The following C2orf42 variants were observed in gnomAD, a reference collection of about 807,000 sequenced individuals.
C2orf42 encodes the protein chromosome 2 open reading frame 42.
In C2orf42, 44 loss-of-function variants were observed where a neutral mutation model predicts 58.9. The ratio of observed to expected loss-of-function variants is 0.75; its 90% confidence interval spans 0.59 to 0.96. The LOEUF is 0.96. Ranked by LOEUF, C2orf42 falls within the 40% of genes least tolerant of loss-of-function variation. The pLI is 0.00. For synonymous variants in C2orf42, 239 were observed against 265.4 expected, an observed-to-expected ratio of 0.90 and a Z score of 0.97; for missense variants, 630 against 699.2, an observed-to-expected ratio of 0.90 and a Z score of 1.12.
chr2:70,160,203 G>C (rs1261376614), intron 9 of C2orf42, among the ~76,000 whole-genome samples: 1 of 148,836 alleles, frequency 6.7e-6, no homozygotes, highest in Admixed American at 6.8e-5. Context: ...GCAGTGGTGA[G>C]ATCTCGGCTC....
At chr2:70,163,488 A>G (rs940541122) in intron 8 of C2orf42, among the ~76,000 whole-genome samples, 1 of 151,420 alleles carries the variant, frequency 6.6e-6, no homozygotes, top group South Asian at 2.1e-4. Context: ...CTCGTGATCC[A>G]CCCGCCTCGG....
chr2:70,178,562 C>G (rs889303074), intron 4 of C2orf42, among the ~76,000 whole-genome samples: 2 of 151,920 alleles, frequency 1.3e-5, no homozygotes, highest in Non-Finnish European at 2.9e-5. Flanking sequence ...AGCCGAAGAT[C>G]GCATCAGTGT....
intron 1 of C2orf42, among the ~76,000 whole-genome samples, chr2:70,188,233 G>T (rs1675084323): frequency 6.6e-6 from 1 of 151,894 alleles, no homozygotes; most frequent in Non-Finnish European, 1.5e-5. Flanking sequence ...TGTCACCCAG[G>T]CTGGAGTGCA....
At chr2:70,151,943 A>C (rs931576835) in intron 9 of C2orf42, among the ~76,000 whole-genome samples, 2 of 151,810 alleles carry the variant, frequency 1.3e-5, no homozygotes, top group Non-Finnish European at 2.9e-5. Context: ...TGTCCAGCTA[A>C]TTTTTGTATT....
intron 5 of C2orf42, among the ~76,000 whole-genome samples, chr2:70,173,588 C>A (rs1294383573): frequency 6.6e-6 from 1 of 151,558 alleles, no homozygotes; most frequent in East Asian, 1.9e-4. Context: ...GTCATAAGTT[C>A]TTAATGAATT....
At chr2:70,157,439 C>G (rs540481501) in intron 9 of C2orf42, among the ~76,000 whole-genome samples, 1 of 145,658 alleles carries the variant, frequency 6.9e-6, no homozygotes, top group Non-Finnish European at 1.5e-5. Flanking sequence ...TGGGCGACAG[C>G]GAGACTCCCG....
intron 1 of C2orf42, chr2:70,190,430 A>C: frequency 6.6e-6 from 1 of 152,248 alleles, no homozygotes; most frequent in Non-Finnish European, 1.5e-5. Flanking sequence ...AATCCTTTCT[A>C]TGCATGTACT....
chr2:70,187,010 G>A (rs182235131), intron 1 of C2orf42, among the ~76,000 whole-genome samples: 1 of 152,116 alleles, frequency 6.6e-6, no homozygotes, highest in Non-Finnish European at 1.5e-5. Flanking sequence ...GCTAGATGAC[G>A]AGTTAGTGGG....
chr2:70,175,619 T>C, intron 5 of C2orf42, 54 bp downstream of exon 5: 4 of 1,027,730 alleles, frequency 3.9e-6, no homozygotes, highest in Non-Finnish European at 6.2e-6. Context: ...TGCTTCTGGC[T>C]TCTTTAGGAT....
chr2:70,169,886 G>A (rs1457079712), intron 5 of C2orf42, among the ~76,000 whole-genome samples: 2 of 151,986 alleles, frequency 1.3e-5, no homozygotes, highest in Admixed American at 6.6e-5. Flanking sequence ...AGCCTCCTGA[G>A]TAGCTGGGAT....
intron 8 of C2orf42, among the ~76,000 whole-genome samples, chr2:70,164,032 G>T (rs552382303): frequency 6.6e-6 from 1 of 150,704 alleles, no homozygotes; most frequent in East Asian, 2.0e-4. Flanking sequence ...AATTAATAGG[G>T]TGGGCCTGGT....
chr2:70,179,613 C>A lies in C2orf42; in HGVS notation c.853G>T (p.Gly285Cys). The A allele has an allele frequency of 1.3e-6, 2 of 1,524,156 alleles. No individual in the cohort carries two copies. Among genetic ancestry groups the A allele is most frequent in the South Asian group, 2.3e-5 (2 of 88,768 alleles). The allele number at this position is 1,524,156 out of a possible 1,614,324, so 94.4% of individuals were successfully genotyped here. ...GATACTGTTGATTCTGAATGGCAAC[C>A]TAACTGGGGTACAATAATCTCTTTA... ...GLKEIIVPQL[G>C]CHSESTVSAC... Residue 285 changes from glycine to cysteine, a missense_variant, in exon 4 of 10, where the codon GGT (glycine) becomes TGT (cysteine). By Grantham distance (159) the Gly-to-Cys change is radical. Transcript: ENST00000264434.
Position 70,165,571 on chromosome 2 carries a change from T to A in C2orf42, c.1209A>T (p.Ile403=), listed in dbSNP as rs1673346081. 1 of 1,612,552 alleles carries A rather than the reference T, an allele frequency of 6.2e-7. No individual in the cohort carries two copies. Among genetic ancestry groups the A allele is most frequent in the Admixed American group, 1.7e-5 (1 of 59,972 alleles). Residue 403 remains isoleucine (I), a synonymous_variant, in exon 7 of 10, where the codon ATA becomes ATT. Coordinates refer to ENST00000264434, the MANE Select transcript of C2orf42 (RefSeq NM_017880.3). Reference sequence around the variant, plus strand: ...GCCGTTTTTTTGCACTTCCTATAGATATTCTTTGTTGCAGGGCATCAAAAA... The same window carrying A: ...GCCGTTTTTTTGCACTTCCTATAGAAATTCTTTGTTGCAGGGCATCAAAAA... ...QSFFDALQQR[I]SIGSAKKRLP...
rs1672207054 is a variant in C2orf42, at chr2:70,150,021, T to G, written c.*335A>C. ...ACACTGTTGGTGTATGGCTGAGTGC[T>G]GCAGATTTCTCAGAGAATTAGCAAA... is the stretch of plus-strand genomic sequence containing the variant. On this transcript the variant is annotated 3_prime_UTR_variant, in exon 10 of 10. Coordinates refer to ENST00000264434, the MANE Select transcript of C2orf42 (RefSeq NM_017880.3). 2.9e-6 allele frequency: 1 copy of G among 345,184 alleles called. No homozygotes were observed. The highest frequency in any genetic ancestry group is 5.5e-6 in the Non-Finnish European group (1 of 180,970). 21.4% of individuals were successfully genotyped at this position (345,184 alleles called of 1,614,324 possible).
At chr2:70,156,703 TA>T (rs1280022851) in intron 9 of C2orf42, among the ~76,000 whole-genome samples, 1 of 151,140 alleles carries the variant, frequency 6.6e-6, no homozygotes, top group Non-Finnish European at 1.5e-5. Flanking sequence ...CTACTAAAAA[TA>T]AAAAGAAATT....
chr2:70,155,869 T>C (rs1330238217), intron 9 of C2orf42, among the ~76,000 whole-genome samples: 1 of 147,346 alleles, frequency 6.8e-6, no homozygotes, highest in Non-Finnish European at 1.5e-5. Context: ...GAATATGGTA[T>C]CACTGGCCGA....
chr2:70,164,354 G>T (rs1286554323), intron 8 of C2orf42, among the ~76,000 whole-genome samples: 4 of 151,350 alleles, frequency 2.6e-5, no homozygotes, highest in South Asian at 2.1e-4. Flanking sequence ...TTTTTAAAGG[G>T]TCATTTCTCG....
intron 1 of C2orf42, among the ~76,000 whole-genome samples, chr2:70,184,932 T>C (rs1341278834): frequency 6.7e-6 from 1 of 148,910 alleles, no homozygotes; most frequent in East Asian, 2.0e-4. Flanking sequence ...CTACTAAAAA[T>C]ACAAAAAATT....
chr2:70,190,647 G>A (rs1675291385), intron 1 of C2orf42: 1 of 152,250 alleles, frequency 6.6e-6, no homozygotes, highest in Non-Finnish European at 1.5e-5. Flanking sequence ...GACCGCCGGG[G>A]CCCTGCAGTC....
Sources: gnomAD v4.1 joint callset for allele counts (sites outside exome capture counted in the v4.1 genomes callset) on GRCh38, gnomAD v4.1.1 for gene constraint, MANE v1.5 for transcripts, NCBI Gene and HGNC (gene_info 2026-07-23, HGNC 2026-07-21) for gene names.